RANBP3L: variants seen among roughly 807,000 people sequenced by gnomAD.
RANBP3L encodes RAN binding protein 3 like, also known as ran-binding protein 3-like.
Under a neutral mutation model 67.2 loss-of-function variants are expected in RANBP3L, and 56 were observed. The ratio of observed to expected loss-of-function variants is 0.83; its 90% CI spans 0.67 to 1.04. The LOEUF (loss-of-function observed/expected upper bound fraction) is 1.04. Among genes scored for constraint, RANBP3L ranks in the 50% least tolerant of loss-of-function variants. RANBP3L has a pLI of 0.00. For missense variants in RANBP3L, 496 were observed against 535.5 expected, an observed-to-expected ratio of 0.93 and a Z score of 0.73; for synonymous variants, 164 against 181.4, an observed-to-expected ratio of 0.90 and a Z score of 0.77.
At chr5:36,286,825 GCATGACCCACTCCCT>G (rs1751356719) in intron 1 of RANBP3L, among the ~76,000 whole-genome samples, 1 of 152,076 alleles carries the variant, frequency 6.6e-6, no homozygotes, top group East Asian at 1.9e-4. Flanking sequence ...CCTAGATGTG[GCATGACCCACTCCCT>G]CACCTCTTAC....
intron 1 of RANBP3L, among the ~76,000 whole-genome samples, chr5:36,298,975 G>C (rs1752425746): frequency 6.6e-6 from 1 of 152,050 alleles, no homozygotes; most frequent in Non-Finnish European, 1.5e-5. Flanking sequence ...TGTCTGTGAG[G>C]GCGTTGCCAA....
chr5:36,287,691 T>C (rs1751424082), intron 1 of RANBP3L, among the ~76,000 whole-genome samples: 1 of 152,204 alleles, frequency 6.6e-6, no homozygotes, highest in African/African-American at 2.4e-5. Flanking sequence ...TGTTAGATAG[T>C]TCTTTTTATT....
intron 12 of RANBP3L, among the ~76,000 whole-genome samples, 198 bp downstream of exon 12, chr5:36,253,449 C>A (rs949759987): frequency 3.9e-5 from 6 of 151,970 alleles, no homozygotes; most frequent in African/African-American, 1.4e-4. Context: ...GAATGAGTAC[C>A]AATTGATTAC....
At chr5:36,297,122 C>T (rs1118442) in intron 1 of RANBP3L, among the ~76,000 whole-genome samples, 143,659 of 152,202 alleles carry the variant, frequency 0.94, 68,192 homozygotes, top group Non-Finnish European at 0.99. Context: ...TTATCAATAA[C>T]ATAAGACAGT....
intron 5 of RANBP3L, 33 bp downstream of exon 5, chr5:36,265,416 A>G (rs201682145): frequency 5.0e-6 from 7 of 1,398,552 alleles, no homozygotes; most frequent in Middle Eastern, 1.8e-4. Flanking sequence ...AAAATATACA[A>G]TTTCTGAGGT....
At position 36,269,972 on chromosome 5, in the gene RANBP3L, G is replaced by T. The variant is rs1400416220; in HGVS notation, c.169C>A (p.Leu57Met). The T allele has an allele frequency of 3.7e-6, 6 of 1,613,546 alleles. No individual in the cohort carries two copies. In the Admixed American group the frequency reaches 1.0e-4, roughly 27 times the overall value. ...QTFKRPAEDTLYEAAEPECNG... is the reference protein window; with the variant it reads ...QTFKRPAEDTMYEAAEPECNG... ...TTACCTGGTTCTGCTGCTTCATACA[G>T]GGTGTCTTCTGCAGGTCTCTGAAAG... The change falls in exon 3 of 14, where the codon CTG becomes ATG. Residue 57 changes from leucine to methionine, a missense_variant. By Grantham distance (15) the Leu-to-Met change is conservative (BLOSUM62 2). Transcript: ENST00000296604.
intron 3 of RANBP3L, 108 bp downstream of exon 3, chr5:36,269,843 G>GA (rs1750083677): frequency 3.1e-6 from 3 of 962,406 alleles, no homozygotes; most frequent in African/African-American, 1.6e-5. Flanking sequence ...TTTAAAAAAA[G>GA]AAAAAACATT....
intron 1 of RANBP3L, among the ~76,000 whole-genome samples, chr5:36,299,860 A>G (rs1752496009): frequency 6.6e-6 from 1 of 152,230 alleles, no homozygotes; most frequent in African/African-American, 2.4e-5. Flanking sequence ...ATTAAAAAGC[A>G]GTTTACAAAA....
intron 1 of RANBP3L, among the ~76,000 whole-genome samples, chr5:36,275,348 T>A (rs921965610): frequency 6.6e-6 from 1 of 152,238 alleles, no homozygotes; most frequent in Non-Finnish European, 1.5e-5. Flanking sequence ...CATTAGTAAG[T>A]GGCAACGCCT....
chr5:36,288,158 G>A (rs997139103), intron 1 of RANBP3L, among the ~76,000 whole-genome samples: 33 of 152,282 alleles, frequency 2.2e-4, no homozygotes, highest in African/African-American at 7.9e-4. Context: ...CTTGTGTCCT[G>A]TTCCAGTTCT....
At chr5:36,269,314 T>A in intron 4 of RANBP3L, 76 bp downstream of exon 4, 1 of 883,452 alleles carries the variant, frequency 1.1e-6, no homozygotes, top group Non-Finnish European at 1.9e-6. Context: ...ACATTACCCT[T>A]TTGAAAAGTT....
At chr5:36,277,422 C>CTCTCTATA (rs377029015) in intron 1 of RANBP3L, among the ~76,000 whole-genome samples, 11 of 115,254 alleles carry the variant, frequency 9.5e-5, no homozygotes, top group African/African-American at 2.4e-4. Flanking sequence ...CTCTCTCTCT[C>CTCTCTATA]TATATATATA....
rs1035480 is a variant in RANBP3L at position 36,269,449 on chromosome 5, G to C, written c.209C>G (p.Thr70Arg). The C allele has an allele frequency of 0.94, 1,470,633 of 1,563,428 alleles. 697,071 individuals carry two copies. The highest frequency in any genetic ancestry group is 0.97 in the Non-Finnish European group (1,102,841 of 1,134,336). The change falls in exon 4 of 14, where the codon ACA (threonine) becomes AGA (arginine). Residue 70 changes from threonine (T) to arginine (R), a missense_variant. By Grantham distance (71) the Thr-to-Arg change is moderately conservative. Coordinates refer to ENST00000296604, the MANE Select transcript of RANBP3L (RefSeq NM_145000.5). ...AAEPECNGFPTKRVRSSSFTF... is the reference protein window; with the variant it reads ...AAEPECNGFPRKRVRSSSFTF... ...AAAAGATGAAGACCGTACACGCTTT[G>C]TTGGAAAACCATTACATTCTGCAAG... is the stretch of plus-strand genomic sequence containing the variant.
Position 36,270,005 on chromosome 5 carries a change from A to AACC in RANBP3L, c.151-18_151-16dup, listed in dbSNP as rs1309197077. ...TCTGCAGGTCTCTGAAAGGAAACAA[A>AACC]ACCACTGAGGAGAGCTGAGTATTTG... On this transcript the variant is annotated splice_polypyrimidine_tract_variant and intron_variant, in intron 2 of 13. Transcript: ENST00000296604. 1.2e-6 allele frequency: 2 copies of AACC among 1,610,724 alleles called. No homozygotes were observed. The highest frequency in any genetic ancestry group is 1.7e-6 in the Non-Finnish European group (2 of 1,176,996).
chr5:36,265,001 C>T lies in RANBP3L; in HGVS notation c.438G>A (p.Lys146=). 1.2e-6 allele frequency: 2 copies of T among 1,613,842 alleles called. No individual in the cohort carries two copies. Among genetic ancestry groups the T allele is most frequent in the Non-Finnish European group, 1.7e-6 (2 of 1,179,860 alleles). The change falls in exon 6 of 14, where the codon AAG becomes AAA. Residue 146 remains lysine (K), a synonymous_variant. Coordinates refer to ENST00000296604, the MANE Select transcript of RANBP3L (RefSeq NM_145000.5). The part of the protein sequence containing the change: ...CAKVRKTFGH[K]ALESCKTKEK... ...CTTTAGTCTTGCAAGATTCCAGTGC[C>T]TTGTGTCCAAATGTTTTTCTTACTT...
chr5:36,264,274 A>G (rs1358310757), intron 6 of RANBP3L, among the ~76,000 whole-genome samples: 1 of 152,248 alleles, frequency 6.6e-6, no homozygotes, highest in Non-Finnish European at 1.5e-5. Context: ...CTAAGATGGA[A>G]TAACTCTCAA....
chr5:36,298,240 C>T (rs543385810), intron 1 of RANBP3L, among the ~76,000 whole-genome samples: 5 of 149,238 alleles, frequency 3.4e-5, no homozygotes, highest in African/African-American at 1.2e-4. Context: ...GCAGAGGTTG[C>T]AGTGAGCCGA....
intron 1 of RANBP3L, among the ~76,000 whole-genome samples, chr5:36,290,180 C>T (rs1353284299): frequency 6.6e-6 from 1 of 151,034 alleles, no homozygotes; most frequent in Non-Finnish European, 1.5e-5. Flanking sequence ...ATGACACCCT[C>T]TACATCATTC....
chr5:36,286,658 T>C (rs1347295068), intron 1 of RANBP3L, among the ~76,000 whole-genome samples: 2 of 152,238 alleles, frequency 1.3e-5, no homozygotes, highest in African/African-American at 4.8e-5. Flanking sequence ...CTGCAGGTGA[T>C]GCTAAAGTTT....
Sources: allele counts gnomAD v4.1 joint callset (sites outside exome capture counted in the v4.1 genomes callset), GRCh38; gene constraint gnomAD v4.1.1; transcripts MANE v1.5; gene names NCBI Gene and HGNC (gene_info 2026-07-23, HGNC 2026-07-21).